Variants in GNA12 observed in about 807,000 individuals in gnomAD.
GNA12 encodes the protein guanine nucleotide-binding protein subunit alpha-12.
Under a neutral mutation model 26.0 loss-of-function variants are expected in GNA12, and 9 were observed. That is an observed-to-expected ratio of 0.35 (90% CI 0.21 to 0.60). The LOEUF is 0.60. GNA12 is among the 20% of genes least tolerant of loss of function. The pLI is 0.78. For missense variants in GNA12, 405 were observed against 525.8 expected, an observed-to-expected ratio of 0.77 and a Z score of 2.25; for synonymous variants, 264 against 219.6, an observed-to-expected ratio of 1.20 and a Z score of -1.79.
intron 2 of GNA12, among the ~76,000 whole-genome samples, chr7:2,735,480 C>G (rs1032503281): frequency 6.6e-6 from 1 of 152,128 alleles, no homozygotes; most frequent in African/African-American, 2.4e-5. Flanking sequence ...CCAGATAGTA[C>G]GGACGCAAGG....
At chr7:2,733,544 G>A (rs548681574) in intron 2 of GNA12, 43 bp from the exon 3 acceptor site, 14 of 1,461,398 alleles carry the variant, frequency 9.6e-6, no homozygotes, top group Admixed American at 1.7e-5. Context: ...CTGGACTGAG[G>A]AATCCTGATG....
intron 2 of GNA12, among the ~76,000 whole-genome samples, chr7:2,778,180 A>C (rs1016416760): frequency 6.6e-6 from 1 of 152,276 alleles, no homozygotes; most frequent in Admixed American, 6.5e-5. Context: ...ACTTAAAAAA[A>C]AGCATATTTC....
intron 2 of GNA12, among the ~76,000 whole-genome samples, chr7:2,753,353 G>A (rs1218915375): frequency 6.6e-6 from 1 of 152,162 alleles, no homozygotes; most frequent in Non-Finnish European, 1.5e-5. Flanking sequence ...ATCTTGCTAT[G>A]TTGTCCAGGC....
intron 1 of GNA12, among the ~76,000 whole-genome samples, chr7:2,828,729 T>A (rs1032476249): frequency 2.6e-5 from 4 of 152,186 alleles, no homozygotes; most frequent in Admixed American, 6.5e-5. Flanking sequence ...TCTACTCCAA[T>A]GGAGTCTTCT....
intron 2 of GNA12, among the ~76,000 whole-genome samples, chr7:2,779,759 G>C (rs1008001431): frequency 6.6e-6 from 1 of 151,648 alleles, no homozygotes; most frequent in Non-Finnish European, 1.5e-5. Context: ...CACCACGCCT[G>C]GATAATTTTT....
chr7:2,745,334 T>G (rs1404098804), intron 2 of GNA12, among the ~76,000 whole-genome samples: 1 of 152,248 alleles, frequency 6.6e-6, no homozygotes, highest in Non-Finnish European at 1.5e-5. Context: ...GCAGAAACTC[T>G]GCAAGCCAGA....
intron 1 of GNA12, among the ~76,000 whole-genome samples, chr7:2,837,620 C>T (rs944453076): frequency 2.6e-5 from 4 of 152,108 alleles, no homozygotes; most frequent in African/African-American, 9.7e-5. Flanking sequence ...GGAGAGGAGA[C>T]CAACTCAAAC....
intron 2 of GNA12, among the ~76,000 whole-genome samples, chr7:2,793,691 T>C (rs1322210047): frequency 6.6e-6 from 1 of 151,998 alleles, no homozygotes; most frequent in Non-Finnish European, 1.5e-5. Context: ...GAGACCAGCC[T>C]GGCCAACATG....
chr7:2,735,549 G>A (rs952582029), intron 2 of GNA12, among the ~76,000 whole-genome samples: 8 of 152,190 alleles, frequency 5.3e-5, no homozygotes, highest in Non-Finnish European at 1.0e-4. Flanking sequence ...GAAAACAGGA[G>A]GGACGTTTCC....
At chr7:2,741,718 A>G (rs1790514780) in intron 2 of GNA12, among the ~76,000 whole-genome samples, 1 of 152,014 alleles carries the variant, frequency 6.6e-6, no homozygotes, top group Non-Finnish European at 1.5e-5. Flanking sequence ...AAAATCCGTC[A>G]TCATTTGAGA....
chr7:2,823,583 G>A (rs1230632453), intron 1 of GNA12, among the ~76,000 whole-genome samples: 1 of 152,044 alleles, frequency 6.6e-6, no homozygotes, highest in African/African-American at 2.4e-5. Context: ...AAAAGAATTA[G>A]AACAATTCGT....
At chr7:2,842,154 G>A (rs2114985136) in intron 1 of GNA12, among the ~76,000 whole-genome samples, 1 of 143,764 alleles carries the variant, frequency 7.0e-6, no homozygotes, top group Middle Eastern at 3.9e-3. Context: ...AAGAAGGAAA[G>A]GAAGGAAGGA....
At chr7:2,759,767 T>G (rs1227530886) in intron 2 of GNA12, among the ~76,000 whole-genome samples, 1 of 152,216 alleles carries the variant, frequency 6.6e-6, no homozygotes, top group Non-Finnish European at 1.5e-5. Context: ...AAACACAGAC[T>G]GAAGGCCATG....
chr7:2,789,130 A>ATTTTTTTTTTTT (rs1583283001), intron 2 of GNA12, among the ~76,000 whole-genome samples: 1 of 74,160 alleles, frequency 1.3e-5, no homozygotes, highest in Non-Finnish European at 2.9e-5. Context: ...CCCTTCAGGC[A>ATTTTTTTTTTTT]TCTTTTTTTT....
chr7:2,733,773 T>C (rs532404190), intron 2 of GNA12, among the ~76,000 whole-genome samples: 12 of 152,354 alleles, frequency 7.9e-5, no homozygotes, highest in Non-Finnish European at 1.3e-4. Flanking sequence ...TGTGGTGCGA[T>C]GCAGGCCCCT....
chr7:2,748,731 G>C (rs1301502265), intron 2 of GNA12, among the ~76,000 whole-genome samples: 6 of 152,112 alleles, frequency 3.9e-5, no homozygotes, highest in Admixed American at 6.6e-5. Context: ...GCAACCTACA[G>C]AATGGGAGAA....
intron 2 of GNA12, among the ~76,000 whole-genome samples, chr7:2,765,540 T>C (rs544506178): frequency 1.3e-5 from 2 of 151,920 alleles, no homozygotes; most frequent in Non-Finnish European, 2.9e-5. Context: ...CACTTCCTAA[T>C]CCTGTGACTC....
At chr7:2,793,881 C>CAAA (rs71026557) in intron 2 of GNA12, among the ~76,000 whole-genome samples, 2 of 95,786 alleles carry the variant, frequency 2.1e-5, no homozygotes, top group Non-Finnish European at 4.0e-5. Context: ...GACTCCATCT[C>CAAA]AAAAAAAAAA....
At chr7:2,843,752 AG>A (rs1483451925) in intron 1 of GNA12, 100 bp downstream of exon 1, 1 of 513,104 alleles carries the variant, frequency 1.9e-6, no homozygotes, top group Non-Finnish European at 3.2e-6. Flanking sequence ...TCCTCGCCCC[AG>A]GGGTCCCCGC....
Sources: gnomAD v4.1 joint callset for allele counts (sites outside exome capture counted in the v4.1 genomes callset) on GRCh38, gnomAD v4.1.1 for gene constraint, MANE v1.5 for transcripts, NCBI Gene and HGNC (gene_info 2026-07-23, HGNC 2026-07-21) for gene names.